Variants in NEK11 observed in about 807,000 individuals in gnomAD.
The protein encoded by NEK11 is serine/threonine-protein kinase Nek11.
In NEK11, 72 loss-of-function variants were observed where a neutral mutation model predicts 80.7. That is an observed-to-expected ratio of 0.89 (90% CI 0.74 to 1.08). The LOEUF is 1.08. NEK11 is among the 50% of genes least tolerant of loss of function. The probability of loss-of-function intolerance (pLI) is 0.00; values close to 1 mark genes in which losing one functional copy is unlikely to be tolerated. For missense variants in NEK11, 764 were observed against 763.6 expected (o/e 1.00, Z -0.01); for synonymous variants, 251 against 260.7 (o/e 0.96, Z 0.36).
rs541382355 is a variant in NEK11 at position 131,138,704 on chromosome 3, A to T, written c.647+4748A>T. Among the ~76,000 whole-genome samples, 3 of 152,240 alleles carry T rather than the reference A, an allele frequency of 2.0e-5. No individual in the cohort carries two copies. In the South Asian group the frequency reaches 6.2e-4, roughly 32 times the overall value. ...AATACAGAGACCCCATTTGTTTGGG[A>T]GAAAGTAAGGGAAGAGAACAAGAGT... On this transcript the variant is annotated intron_variant, in intron 7 of 17. Coordinates refer to ENST00000383366, the MANE Select transcript of NEK11 (RefSeq NM_024800.5).
At chr3:131,227,758 A>G (rs1483036842) in intron 14 of NEK11, among the ~76,000 whole-genome samples, 1 of 152,138 alleles carries the variant, frequency 6.6e-6, no homozygotes, top group Non-Finnish European at 1.5e-5. Context: ...GCCCCCCATT[A>G]GTAAATTATA....
At chr3:131,146,098 C>T (rs931271961) in intron 7 of NEK11, among the ~76,000 whole-genome samples, 5 of 152,012 alleles carry the variant, frequency 3.3e-5, no homozygotes, top group Non-Finnish European at 7.4e-5. Flanking sequence ...TTCCGATATG[C>T]CCAGGCCAGG....
intron 3 of NEK11, among the ~76,000 whole-genome samples, chr3:131,047,705 G>A (rs1488142203): frequency 6.6e-6 from 1 of 152,164 alleles, no homozygotes; most frequent in Admixed American, 6.6e-5. Context: ...ACTCTGCGAG[G>A]GTCCTTGGTT....
At chr3:131,079,349 C>T (rs2074875606) in intron 3 of NEK11, among the ~76,000 whole-genome samples, 1 of 152,150 alleles carries the variant, frequency 6.6e-6, no homozygotes, top group East Asian at 1.9e-4. Flanking sequence ...TTAATCTATG[C>T]ATTGGTTAAA....
chr3:131,149,655 G>GA (rs1186043236), intron 7 of NEK11, among the ~76,000 whole-genome samples: 3 of 151,808 alleles, frequency 2.0e-5, no homozygotes, highest in Non-Finnish European at 4.4e-5. Flanking sequence ...AAATTTATTG[G>GA]AAAAAACATG....
At position 131,288,452 on chromosome 3, in the gene NEK11, T is replaced by TTCTTTCTTTC. The variant is rs201121837; in HGVS notation, c.1718+14879_1718+14880insCTTTCTTTCT. ...ATATGGTATGCATTTCTTTCTTTCT[T>TTCTTTCTTTC]TTTTTTTTTTTTTTTTTGAGACGGA... is the stretch of plus-strand genomic sequence containing the variant. On this transcript the variant is annotated intron_variant, in intron 17 of 17. Coordinates refer to ENST00000383366, the MANE Select transcript of NEK11 (RefSeq NM_024800.5). 5.6e-4 allele frequency among the ~76,000 whole-genome samples: 30 copies of TTCTTTCTTTC among 53,546 alleles called. No homozygotes were observed. In the East Asian group the frequency reaches 6.1e-3, roughly 11 times the overall value. The allele number at this position is 53,546 out of a possible 152,430, so 35.1% of individuals were successfully genotyped here.
chr3:131,274,919 C>T (rs1327426518), intron 17 of NEK11, among the ~76,000 whole-genome samples: 2 of 152,048 alleles, frequency 1.3e-5, no homozygotes, highest in Admixed American at 6.6e-5. Context: ...TCCCAAAGTG[C>T]TGGGATTACA....
At chr3:131,042,138 G>T (rs902160928) in intron 3 of NEK11, among the ~76,000 whole-genome samples, 1 of 152,070 alleles carries the variant, frequency 6.6e-6, no homozygotes, top group African/African-American at 2.4e-5. Context: ...CACCACAAGC[G>T]CCCTGGGTTT....
At chr3:131,122,665 GGGTT>G (rs1472225883) in intron 5 of NEK11, among the ~76,000 whole-genome samples, 1 of 146,024 alleles carries the variant, frequency 6.8e-6, no homozygotes, top group Non-Finnish European at 1.5e-5. Context: ...CCTCCAGGGA[GGGTT>G]TCATATCATA....
chr3:131,063,786 G>C (rs1212444701), intron 3 of NEK11, among the ~76,000 whole-genome samples: 4 of 152,124 alleles, frequency 2.6e-5, no homozygotes. Context: ...TTTACTACAA[G>C]TGTAAAATTA....
chr3:131,323,776 C>G (rs757391968), intron 17 of NEK11, among the ~76,000 whole-genome samples: 17 of 152,196 alleles, frequency 1.1e-4, no homozygotes, highest in Non-Finnish European at 2.2e-4. Flanking sequence ...TGCTGTAGCA[C>G]CATTTTTAAA....
chr3:131,035,011 C>T (rs542743886), intron 3 of NEK11, among the ~76,000 whole-genome samples: 2 of 152,246 alleles, frequency 1.3e-5, no homozygotes, highest in African/African-American at 4.8e-5. Context: ...ACACCTTGGT[C>T]TTTGTCTAAA....
chr3:131,239,114 GA>G lies in NEK11; in HGVS notation c.1561-4312del, dbSNP rs1240925470. The stretch of plus-strand genomic sequence containing the variant: ...GATACACTCAAATGAAGCCTCTCAG[GA>G]AAAAAAAAACATGGGTCCAGAGTGA... On this transcript the variant is annotated intron_variant, in intron 15 of 17. Transcript: ENST00000383366. Among the ~76,000 whole-genome samples, 4 of 148,048 alleles carry G rather than the reference GA, an allele frequency of 2.7e-5. No individual in the cohort carries two copies. The East Asian group carries it at 5.9e-4, about 22-fold the overall frequency.
intron 11 of NEK11, among the ~76,000 whole-genome samples, chr3:131,164,802 A>G (rs1184101152): frequency 6.6e-6 from 1 of 152,230 alleles, no homozygotes; most frequent in Non-Finnish European, 1.5e-5. Context: ...CTATTGTCAG[A>G]AGAATTATAA....
At chr3:131,095,133 A>G (rs1313972758) in intron 4 of NEK11, among the ~76,000 whole-genome samples, 1 of 152,204 alleles carries the variant, frequency 6.6e-6, no homozygotes, top group Admixed American at 6.5e-5. Context: ...GCTCATTCAA[A>G]TTGTATATCT....
At chr3:131,137,347 G>A (rs1263977705) in intron 7 of NEK11, among the ~76,000 whole-genome samples, 3 of 152,058 alleles carry the variant, frequency 2.0e-5, no homozygotes, top group Admixed American at 6.6e-5. Flanking sequence ...GAAGGGATGG[G>A]GACAACAGCC....
intron 17 of NEK11, among the ~76,000 whole-genome samples, chr3:131,290,942 C>T (rs2096537621): frequency 6.6e-6 from 1 of 152,178 alleles, no homozygotes; most frequent in Admixed American, 6.5e-5. Context: ...ATTCATACAG[C>T]ATAATCACCC....
intron 4 of NEK11, among the ~76,000 whole-genome samples, chr3:131,085,868 A>G (rs1264768109): frequency 2.0e-5 from 3 of 152,024 alleles, no homozygotes; most frequent in African/African-American, 7.2e-5. Context: ...TCTACATTGC[A>G]TTTAGTTCTA....
chr3:131,221,122 A>C (rs1460696166), intron 14 of NEK11, among the ~76,000 whole-genome samples: 1 of 152,132 alleles, frequency 6.6e-6, no homozygotes, highest in Non-Finnish European at 1.5e-5. Context: ...TATCTCTTAG[A>C]GATTTATGTA....
Sources: gnomAD v4.1 joint callset for allele counts (sites outside exome capture counted in the v4.1 genomes callset) on GRCh38, gnomAD v4.1.1 for gene constraint, MANE v1.5 for transcripts, NCBI Gene and HGNC (gene_info 2026-07-23, HGNC 2026-07-21) for gene names.